The following MTMR3 variants were observed in gnomAD, a reference collection of about 807,000 sequenced individuals.
MTMR3 encodes phosphatidylinositol-3,5-bisphosphate 3-phosphatase MTMR3.
MTMR3 carries 32 observed loss-of-function variants against 132.4 expected under a neutral mutation model. That is an observed-to-expected ratio of 0.24 (90% confidence interval 0.18 to 0.32). The LOEUF (loss-of-function observed/expected upper bound fraction) is 0.32. Among genes scored for constraint, MTMR3 ranks in the 10% least tolerant of loss-of-function variants. The pLI is 1.00. For synonymous variants in MTMR3, 556 were observed against 550.3 expected (o/e 1.01, Z -0.14); for missense variants, 1,216 against 1,489.6 (o/e 0.82, Z 3.02).
At chr22:29,911,074 AC>A (rs1251189091) in intron 1 of MTMR3, among the ~76,000 whole-genome samples, 1 of 152,056 alleles carries the variant, frequency 6.6e-6, no homozygotes, top group Non-Finnish European at 1.5e-5. Flanking sequence ...TTCCTGCCCT[AC>A]CCCAGGCAGG....
chr22:29,946,414 C>T (rs559083724), intron 1 of MTMR3, among the ~76,000 whole-genome samples: 43 of 152,238 alleles, frequency 2.8e-4, no homozygotes, highest in East Asian at 1.5e-3. Flanking sequence ...TTGGGGAGCT[C>T]TCTGCTAGTA....
chr22:29,944,037 T>C (rs139797335), intron 1 of MTMR3, among the ~76,000 whole-genome samples: 1 of 151,952 alleles, frequency 6.6e-6, no homozygotes, highest in African/African-American at 2.4e-5. Flanking sequence ...TAGGCTGTTC[T>C]CGAACTTGTG....
intron 1 of MTMR3, among the ~76,000 whole-genome samples, chr22:29,940,107 A>G (rs917677179): frequency 1.3e-5 from 2 of 152,096 alleles, no homozygotes; most frequent in African/African-American, 2.4e-5. Flanking sequence ...CTCTGCTAAA[A>G]ATACAAAAAA....
chr22:29,988,307 C>G (rs895613817), intron 5 of MTMR3, 173 bp from the exon 6 acceptor site: 2 of 422,686 alleles, frequency 4.7e-6, no homozygotes, highest in Non-Finnish European at 8.6e-6. Flanking sequence ...AAAGGGAAGT[C>G]CTAATTCACT....
intron 9 of MTMR3, chr22:30,006,071 A>G (rs1344935294): frequency 1.3e-5 from 2 of 152,246 alleles, no homozygotes; most frequent in African/African-American, 4.8e-5. Context: ...TTCACTTGTC[A>G]TAACATATTT....
intron 1 of MTMR3, among the ~76,000 whole-genome samples, chr22:29,896,139 A>C (rs1187470528): frequency 6.6e-6 from 1 of 151,976 alleles, no homozygotes; most frequent in Non-Finnish European, 1.5e-5. Flanking sequence ...GTGAAACCCC[A>C]TGTCTACTAA....
intron 8 of MTMR3, chr22:30,000,403 G>A (rs1343303713): frequency 6.6e-6 from 1 of 152,190 alleles, no homozygotes; most frequent in Non-Finnish European, 1.5e-5. Flanking sequence ...GGAGCTTGCA[G>A]TGAGCTGAGA....
Position 30,019,701 on chromosome 22 carries a change from C to T in MTMR3, c.2042C>T (p.Ala681Val). ...RVPGGAELSVAAGVAEGQMEN... is the reference protein window; with the variant it reads ...RVPGGAELSVVAGVAEGQMEN... The stretch of plus-strand genomic sequence containing the variant: ...CCGGGGGGTGCCGAGCTTTCTGTTG[C>T]AGCCGGAGTAGCTGAGGGGCAGATG... The change falls in exon 17 of 20, where the codon GCA becomes GTA. Residue 681 changes from alanine to valine, a missense_variant. Around this residue, in one of 7 missense-constraint regions of MTMR3, gnomAD observed 852 missense variants for 852.0 expected, o/e 1.00. Coordinates refer to ENST00000401950, the MANE Select transcript of MTMR3 (RefSeq NM_021090.4). 1 of 1,614,190 alleles carries T rather than the reference C, an allele frequency of 6.2e-7. No individual in the cohort carries two copies. The highest frequency in any genetic ancestry group is 8.5e-7 in the Non-Finnish European group (1 of 1,180,038).
chr22:29,952,513 A>C (rs1213652987), intron 1 of MTMR3, among the ~76,000 whole-genome samples: 1 of 152,062 alleles, frequency 6.6e-6, no homozygotes, highest in African/African-American at 2.4e-5. Context: ...CATGGTCATC[A>C]ATAGGGAAAA....
At chr22:29,934,827 T>C (rs2065716352) in intron 1 of MTMR3, among the ~76,000 whole-genome samples, 2 of 152,216 alleles carry the variant, frequency 1.3e-5, no homozygotes, top group African/African-American at 4.8e-5. Flanking sequence ...TTGAATAAGA[T>C]AGTGCGTAAA....
intron 2 of MTMR3, among the ~76,000 whole-genome samples, chr22:29,959,759 A>T (rs1009345408): frequency 5.2e-5 from 7 of 133,934 alleles, no homozygotes; most frequent in African/African-American, 1.4e-4. Flanking sequence ...AAAAGTGTTA[A>T]TTTTTTTTTT....
At chr22:30,003,019 C>T (rs1157118071) in intron 9 of MTMR3, 26 bp downstream of exon 9, 18 of 1,578,478 alleles carry the variant, frequency 1.1e-5, no homozygotes, top group Non-Finnish European at 1.6e-5. Context: ...CCAGTCCCAG[C>T]TTGGGCTGGT....
In MTMR3 at chr22:30,020,331, A is replaced by T. The variant is rs371601985; in HGVS notation, c.2672A>T (p.Glu891Val). Residue 891 changes from glutamate to valine, a missense_variant, in exon 17 of 20, where the codon GAG (glutamate) becomes GTG (valine). Glu to Val is a moderately radical substitution (Grantham distance 121, BLOSUM62 -2). Around this residue, in one of 7 missense-constraint regions of MTMR3, gnomAD observed 852 missense variants for 852.0 expected, o/e 1.00. Transcript: ENST00000401950. The part of the protein sequence containing the change: ...EPSPSETSLV[E>V]RPQVGSVVHR... ...AGCCCTTCAGAGACAAGCCTGGTCGAGAGGCCCCAAGTGGGGTCTGTGGTG... is the reference window on the plus strand; with the variant it reads ...AGCCCTTCAGAGACAAGCCTGGTCGTGAGGCCCCAAGTGGGGTCTGTGGTG... 1.9e-6 allele frequency: 3 copies of T among 1,614,060 alleles called. No individual in the cohort carries two copies. Among genetic ancestry groups the T allele is most frequent in the Non-Finnish European group, 2.5e-6 (3 of 1,180,038 alleles).
At chr22:29,957,188 G>A (rs1265269007) in intron 2 of MTMR3, 100 bp downstream of exon 2, 2 of 150,894 alleles carry the variant, frequency 1.3e-5, no homozygotes, top group East Asian at 1.9e-4. Flanking sequence ...TTGATTTTTG[G>A]GGATCTGTTT....
intron 1 of MTMR3, among the ~76,000 whole-genome samples, chr22:29,943,461 A>C (rs36603): frequency 0.078 from 11,793 of 152,128 alleles, 536 homozygotes; most frequent in African/African-American, 0.092. Context: ...AAGTGCTGGG[A>C]TTACAGGCGT....
In MTMR3 at chr22:29,964,315, C is replaced by T. The variant is rs189058527; in HGVS notation, c.-84-6661C>T. 1.6e-3 allele frequency among the ~76,000 whole-genome samples: 239 copies of T among 152,250 alleles called. 2 individuals carry two copies. The Middle Eastern group carries it at 0.024, about 15-fold the overall frequency. ...ATTTCCTAAGGATTGGTCACATCTG[C>T]GATTTGTAGTGTTTTTTGTTTGTTT... On this transcript the variant is annotated intron_variant, in intron 2 of 19. Coordinates refer to ENST00000401950, the MANE Select transcript of MTMR3 (RefSeq NM_021090.4).
chr22:29,945,660 G>A (rs965203575), intron 1 of MTMR3, among the ~76,000 whole-genome samples: 1 of 150,848 alleles, frequency 6.6e-6, no homozygotes, highest in Non-Finnish European at 1.5e-5. Flanking sequence ...AGCTGTGATC[G>A]TGCCACTGCA....
intron 16 of MTMR3, chr22:30,019,202 C>CAA (rs796476094): frequency 4.2e-3 from 652 of 155,890 alleles, no homozygotes; most frequent in South Asian, 5.5e-3. Context: ...GACTCCGTCT[C>CAA]AAAAAAAAAA....
chr22:30,007,010 C>G (rs2067286790), intron 9 of MTMR3, 104 bp from the exon 10 acceptor site: 1 of 1,218,392 alleles, frequency 8.2e-7, no homozygotes, highest in Non-Finnish European at 1.2e-6. Flanking sequence ...TGACCCAACA[C>G]TTACCTAGAA....
Sources: gnomAD v4.1 joint callset for allele counts (sites outside exome capture counted in the v4.1 genomes callset) on GRCh38, gnomAD v4.1.1 for gene constraint, gnomAD v4.1.1 regional missense constraint, MANE v1.5 for transcripts, NCBI Gene and HGNC (gene_info 2026-07-23, HGNC 2026-07-21) for gene names.